Variants in PDZK1 observed in about 807,000 individuals in gnomAD.
PDZK1 encodes PDZ domain containing 1.
In PDZK1, 23 loss-of-function variants were observed where a neutral mutation model predicts 38.1. The ratio of observed to expected loss-of-function variants is 0.60; its 90% CI spans 0.43 to 0.85. The LOEUF (loss-of-function observed/expected upper bound fraction) is 0.85. Among genes scored for constraint, PDZK1 ranks in the 40% least tolerant of loss-of-function variants. The pLI is 0.00. For missense variants in PDZK1, 297 were observed against 504.3 expected, an observed-to-expected ratio of 0.59 and a Z score of 3.94; for synonymous variants, 98 against 186.2, an observed-to-expected ratio of 0.53 and a Z score of 3.86.
intron 3 of PDZK1, among the ~76,000 whole-genome samples, chr1:145,686,149 C>G (rs2101900775): frequency 6.6e-6 from 1 of 152,222 alleles, no homozygotes; most frequent in Non-Finnish European, 1.5e-5. Flanking sequence ...CATTTTCACC[C>G]TAAGAGGGCT....
intron 1 of PDZK1, among the ~76,000 whole-genome samples, chr1:145,690,734 G>A (rs1483190420): frequency 1.3e-5 from 2 of 152,212 alleles, no homozygotes; most frequent in Non-Finnish European, 2.9e-5. Context: ...AGGATAGAAA[G>A]TGAAACCTCC....
chr1:145,671,314 C>T lies in PDZK1; in HGVS notation c.*122G>A. The stretch of plus-strand genomic sequence containing the variant: ...ACAATCACACATGGTGAATGGTTTC[C>T]AGTGGAGTTTTTCTTCTAAAGAGAC... On this transcript the variant is annotated 3_prime_UTR_variant, in exon 9 of 9. Transcript: ENST00000417171. 2 of 1,522,194 alleles carry T rather than the reference C, an allele frequency of 1.3e-6. No homozygotes were observed. The highest frequency in any genetic ancestry group is 1.2e-5 in the South Asian group (1 of 82,868). 94.3% of individuals were successfully genotyped at this position (1,522,194 alleles called of 1,614,324 possible). A position where few individuals can be genotyped will look rare whatever the true frequency, so the allele number is the denominator to read the frequency against.
At chr1:145,680,243 G>A (rs1654101761) in intron 5 of PDZK1, among the ~76,000 whole-genome samples, 1 of 151,914 alleles carries the variant, frequency 6.6e-6, no homozygotes, top group Non-Finnish European at 1.5e-5. Flanking sequence ...CTTTCTCCAA[G>A]GCACTGAGGA....
intron 1 of PDZK1, 60 bp from the exon 2 acceptor site, chr1:145,688,083 AC>A: frequency 7.3e-7 from 1 of 1,368,988 alleles, no homozygotes. Flanking sequence ...TGGAGTGAGA[AC>A]CCCATCCTCC....
At chr1:145,680,709 A>T (rs1553700154) in intron 5 of PDZK1, among the ~76,000 whole-genome samples, 1 of 145,828 alleles carries the variant, frequency 6.9e-6, no homozygotes, top group Non-Finnish European at 1.5e-5. Context: ...CCAGATCCCA[A>T]ATTCTGCCTT....
Position 145,672,921 on chromosome 1 carries a change from C to T in PDZK1, c.1315G>A (p.Val439Met), listed in dbSNP as rs1653238887. ...VNVLDEPYEK[V>M]VDRIQSSGKN... The stretch of plus-strand genomic sequence containing the variant: ...CCACTGCTCTGGATTCTATCCACCA[C>T]CTTCTCATAGGGTTCATCTAGCACA... Residue 439 changes from valine (V) to methionine (M), a missense_variant, in exon 8 of 9, where the codon GTG (valine) becomes ATG (methionine). This residue lies in a region of PDZK1 where 49 missense variants were observed against 135.6 expected (regional missense o/e 0.36). Coordinates refer to ENST00000417171, the MANE Select transcript of PDZK1 (RefSeq NM_001201325.2). 4 of 1,601,384 alleles carry T rather than the reference C, an allele frequency of 2.5e-6. No individual in the cohort carries two copies. Among genetic ancestry groups the T allele is most frequent in the Admixed American group, 1.7e-5 (1 of 59,778 alleles).
At chr1:145,688,732 G>A (rs1301509537) in intron 1 of PDZK1, among the ~76,000 whole-genome samples, 1 of 152,046 alleles carries the variant, frequency 6.6e-6, no homozygotes, top group Non-Finnish European at 1.5e-5. Context: ...AGGCCGAGGC[G>A]GGCAGATCAC....
chr1:145,676,741 AGT>A (rs1473532142), intron 6 of PDZK1, among the ~76,000 whole-genome samples: 1 of 151,292 alleles, frequency 6.6e-6, no homozygotes, highest in African/African-American at 2.4e-5. Context: ...AAAAAAAAAA[AGT>A]GTGCTCCTTC....
In PDZK1 at chr1:145,672,729, C is replaced by G; in HGVS notation, c.1506+1G>C. 1 of 1,611,904 alleles carries G rather than the reference C, an allele frequency of 6.2e-7. No individual in the cohort carries two copies. Among genetic ancestry groups the G allele is most frequent in the Non-Finnish European group, 8.5e-7 (1 of 1,179,780 alleles). ...ACGAAAAGAAATAGGCCCCCACTCA[C>G]CCGTTCTTTTGCCATGTGCGAGTCA... On this transcript the variant is annotated splice_donor_variant, in intron 8 of 8. Transcript: ENST00000417171. LOFTEE classifies it high-confidence loss of function.
At chr1:145,679,104 G>A (rs1325740418) in intron 5 of PDZK1, among the ~76,000 whole-genome samples, 1 of 151,422 alleles carries the variant, frequency 6.6e-6, no homozygotes, top group Non-Finnish European at 1.5e-5. Flanking sequence ...GTTCGGTTTT[G>A]AATATATTTG....
At chr1:145,693,705 C>G (rs1043922187) in intron 1 of PDZK1, among the ~76,000 whole-genome samples, 1 of 151,250 alleles carries the variant, frequency 6.6e-6, no homozygotes, top group Non-Finnish European at 1.5e-5. Flanking sequence ...ACCCGGAAGG[C>G]GGAGCTTGCA....
chr1:145,699,210 C>T (rs587707659), intron 1 of PDZK1, among the ~76,000 whole-genome samples: 1 of 152,110 alleles, frequency 6.6e-6, no homozygotes, highest in South Asian at 2.1e-4. Flanking sequence ...TACACTCCAG[C>T]CTGGGCAACG....
chr1:145,674,131 T>A, intron 6 of PDZK1: 1 of 968,842 alleles, frequency 1.0e-6, no homozygotes, highest in Non-Finnish European at 1.2e-6. Flanking sequence ...CAGTATAGGA[T>A]GCGGTACAAG....
At chr1:145,679,733 T>A (rs1654048793) in intron 5 of PDZK1, among the ~76,000 whole-genome samples, 1 of 152,208 alleles carries the variant, frequency 6.6e-6, no homozygotes, top group East Asian at 1.9e-4. Context: ...GTAATTGAGA[T>A]GTGCAAAGCC....
intron 1 of PDZK1, among the ~76,000 whole-genome samples, chr1:145,703,219 T>A (rs1008757603): frequency 1.9e-4 from 29 of 152,214 alleles, no homozygotes; most frequent in Admixed American, 1.8e-3. Context: ...TAACAAGTTC[T>A]ATGTAATACC....
intron 7 of PDZK1, 84 bp from the exon 8 acceptor site, chr1:145,673,104 C>T (rs1412272203): frequency 7.7e-7 from 1 of 1,290,898 alleles, no homozygotes; most frequent in Non-Finnish European, 1.1e-6. Flanking sequence ...AGATGAGGAG[C>T]TCAAGAATTT....
At chr1:145,702,518 A>C (rs921588046) in intron 1 of PDZK1, among the ~76,000 whole-genome samples, 1 of 152,066 alleles carries the variant, frequency 6.6e-6, no homozygotes, top group African/African-American at 2.4e-5. Flanking sequence ...AAACTACTAC[A>C]AGAGTCTTGC....
intron 4 of PDZK1, 97 bp downstream of exon 4, chr1:145,682,403 A>G: frequency 2.6e-6 from 2 of 757,846 alleles, no homozygotes; most frequent in South Asian, 1.8e-5. Context: ...TTTTTCCATC[A>G]TAAACTCATG....
intron 1 of PDZK1, among the ~76,000 whole-genome samples, chr1:145,696,148 A>G (rs1655616200): frequency 6.6e-6 from 1 of 152,202 alleles, no homozygotes. Flanking sequence ...TTCTGAGGCC[A>G]CAGCTCAATT....
Sources: allele counts gnomAD v4.1 joint callset (sites outside exome capture counted in the v4.1 genomes callset), GRCh38; gene constraint gnomAD v4.1.1; regional missense constraint gnomAD v4.1.1; transcripts MANE v1.5; gene names NCBI Gene and HGNC (gene_info 2026-07-23, HGNC 2026-07-21).